Variants in EPS15L1 observed in about 807,000 individuals in gnomAD.
EPS15L1 encodes the protein epidermal growth factor receptor pathway substrate 15 like 1.
Under a neutral mutation model 117.1 loss-of-function variants are expected in EPS15L1, and 43 were observed. The ratio of observed to expected loss-of-function variants is 0.37; its 90% CI spans 0.29 to 0.47. The LOEUF is 0.47. Ranked by LOEUF, EPS15L1 falls within the 20% of genes least tolerant of loss-of-function variation. The pLI is 0.99. For synonymous variants in EPS15L1, 459 were observed against 470.5 expected (o/e 0.98, Z 0.32); for missense variants, 981 against 1,164.0 (o/e 0.84, Z 2.29).
At chr19:16,461,146 A>G (rs1012811207) in intron 1 of EPS15L1, among the ~76,000 whole-genome samples, 9 of 152,002 alleles carry the variant, frequency 5.9e-5, no homozygotes, top group Admixed American at 2.0e-4. Flanking sequence ...TCTACTAAAA[A>G]TACAAAAATT....
At chr19:16,375,348 GTGCA>G (rs2092281412) in intron 22 of EPS15L1, among the ~76,000 whole-genome samples, 4 of 151,998 alleles carry the variant, frequency 2.6e-5, no homozygotes, top group Admixed American at 1.3e-4. Flanking sequence ...GGGTACACAT[GTGCA>G]TGCAAGAGCA....
intron 22 of EPS15L1, among the ~76,000 whole-genome samples, chr19:16,363,399 C>G (rs762937540): frequency 5.3e-5 from 8 of 152,214 alleles, no homozygotes; most frequent in Non-Finnish European, 8.8e-5. Flanking sequence ...CCCCGCCCAC[C>G]ACCTGAGCCT....
chr19:16,410,886 C>T (rs2092700127), intron 13 of EPS15L1, among the ~76,000 whole-genome samples: 1 of 152,200 alleles, frequency 6.6e-6, no homozygotes, highest in South Asian at 2.1e-4. Flanking sequence ...GTACTCCAGC[C>T]TGGGCAATGG....
intron 9 of EPS15L1, among the ~76,000 whole-genome samples, chr19:16,423,973 C>G (rs2092842710): frequency 6.6e-6 from 1 of 152,212 alleles, no homozygotes; most frequent in South Asian, 2.1e-4. Context: ...ATTTCTGGAG[C>G]CTCAGAGTAT....
chr19:16,464,370 C>T (rs949168739), intron 1 of EPS15L1, among the ~76,000 whole-genome samples: 4 of 152,220 alleles, frequency 2.6e-5, no homozygotes, highest in Non-Finnish European at 4.4e-5. Context: ...CCCAGTCCAG[C>T]GCGAAGGACA....
chr19:16,470,748 C>T (rs2093340716), intron 1 of EPS15L1, among the ~76,000 whole-genome samples: 3 of 152,252 alleles, frequency 2.0e-5, no homozygotes, highest in African/African-American at 7.2e-5. Context: ...TATCAACTCT[C>T]TTTGGGTTTG....
At chr19:16,426,075 G>A (rs1214684657) in intron 8 of EPS15L1, among the ~76,000 whole-genome samples, 3 of 152,198 alleles carry the variant, frequency 2.0e-5, no homozygotes, top group Non-Finnish European at 4.4e-5. Flanking sequence ...CCCCACATGA[G>A]ATGAACTGAG....
intron 21 of EPS15L1, chr19:16,384,230 C>T (rs1377062243): frequency 3.3e-5 from 5 of 152,228 alleles, no homozygotes; most frequent in Non-Finnish European, 7.3e-5. Flanking sequence ...ACAGAGTGGA[C>T]GCAGGTGTCA....
Position 16,425,237 on chromosome 19 carries a change from T to C in EPS15L1, c.638A>G (p.Lys213Arg). Residue 213 changes from lysine (K) to arginine (R), a missense_variant, in exon 9 of 24, where the codon AAG (lysine) becomes AGG (arginine). Around this residue, in one of 5 missense-constraint regions of EPS15L1, gnomAD observed 819 missense variants for 949.0 expected, o/e 0.86. Coordinates refer to ENST00000455140, the MANE Select transcript of EPS15L1 (RefSeq NM_001258374.3). ...GCCAGGGAACACAGTCTTCTTTCTC[T>C]TGGAGGGTGGGATGAGGGACGGGGG... ...ALPPSLIPPS[K>R]RKKTVFPGAV... The C allele has an allele frequency of 6.3e-7, 1 of 1,596,350 alleles. No individual in the cohort carries two copies. Among genetic ancestry groups the C allele is most frequent in the East Asian group, 2.2e-5 (1 of 44,704 alleles).
rs956182167 is a variant in EPS15L1 at position 16,383,111 on chromosome 19, G to C, written c.2247+2018C>G. The C allele has an allele frequency of 1.3e-5, 2 of 152,220 alleles. No homozygotes were observed. Among genetic ancestry groups the C allele is most frequent in the Non-Finnish European group, 2.9e-5 (2 of 68,046 alleles). 9.4% of individuals were successfully genotyped at this position (152,220 alleles called of 1,614,324 possible). ...GAGCTCAGAATGCGGCTGTACAAGT[G>C]TCATGAAGGCAGCTGATGGAACGCT... On this transcript the variant is annotated intron_variant, in intron 21 of 23. Transcript: ENST00000455140. The surrounding 1 kb of genome is among the most constrained non-coding windows in gnomAD (Gnocchi z 5.2).
intron 9 of EPS15L1, among the ~76,000 whole-genome samples, chr19:16,421,937 C>T (rs2092817979): frequency 6.6e-6 from 1 of 152,190 alleles, no homozygotes; most frequent in Admixed American, 6.5e-5. Context: ...GTGTCCTGTC[C>T]CAGGACTCTG....
chr19:16,372,543 G>T (rs758113498), intron 22 of EPS15L1, among the ~76,000 whole-genome samples: 1 of 152,166 alleles, frequency 6.6e-6, no homozygotes. Flanking sequence ...TAACGGAAAA[G>T]ATTTCCACTA....
At chr19:16,419,019 A>G (rs543031872) in intron 10 of EPS15L1, among the ~76,000 whole-genome samples, 2 of 152,212 alleles carry the variant, frequency 1.3e-5, no homozygotes, top group Non-Finnish European at 2.9e-5. Context: ...CATGGCCACA[A>G]TGCACAGGAC....
intron 10 of EPS15L1, 133 bp from the exon 11 acceptor site, chr19:16,418,237 C>A: frequency 1.0e-6 from 1 of 954,748 alleles, no homozygotes; most frequent in Non-Finnish European, 1.5e-6. Context: ...AGCCCCAGCT[C>A]CTTCCCTACT....
chr19:16,397,339 CT>C (rs1418677581), intron 16 of EPS15L1, among the ~76,000 whole-genome samples: 3 of 152,184 alleles, frequency 2.0e-5, no homozygotes, highest in Non-Finnish European at 4.4e-5. Flanking sequence ...ATCCACCCCC[CT>C]CGGCCTCCCA....
At chr19:16,384,856 T>C (rs533022558) in intron 21 of EPS15L1, among the ~76,000 whole-genome samples, 2 of 152,148 alleles carry the variant, frequency 1.3e-5, no homozygotes, top group East Asian at 1.9e-4. Flanking sequence ...GCCATGGCAA[T>C]GACTTCACCG....
chr19:16,360,861 T>C (rs2092041196), intron 23 of EPS15L1, among the ~76,000 whole-genome samples: 1 of 152,144 alleles, frequency 6.6e-6, no homozygotes, highest in Non-Finnish European at 1.5e-5. Context: ...CAGGGCTGTG[T>C]TCAAAGAGCC....
intron 9 of EPS15L1, 22 bp from the exon 10 acceptor site, chr19:16,421,498 C>G: frequency 6.3e-7 from 1 of 1,596,374 alleles, no homozygotes; most frequent in Non-Finnish European, 8.6e-7. Flanking sequence ...TTTGGCAAAA[C>G]AGTTAATCTG....
At position 16,417,598 on chromosome 19, in the gene EPS15L1, C is replaced by A; in HGVS notation, c.1147G>T (p.Val383Leu). ...GSLGSGEFTG[V>L]KELDDISQEI... ...TGACTGATGTCATCAAGCTCCTTCA[C>A]GCCAGTAAACTCCCCGGAGCCGAGA... Residue 383 changes from valine (V) to leucine (L), a missense_variant, in exon 12 of 24, where the codon GTG (valine) becomes TTG (leucine). By Grantham distance (32) the Val-to-Leu change is conservative. This residue lies in a region of EPS15L1 where 819 missense variants were observed against 949.0 expected (regional missense o/e 0.86). Transcript: ENST00000455140. 6.2e-7 allele frequency: 1 copy of A among 1,614,186 alleles called. No individual in the cohort carries two copies. The highest frequency in any genetic ancestry group is 8.5e-7 in the Non-Finnish European group (1 of 1,180,028).
Sources: allele counts gnomAD v4.1 joint callset (sites outside exome capture counted in the v4.1 genomes callset), GRCh38; gene constraint gnomAD v4.1.1; regional missense constraint gnomAD v4.1.1; non-coding constraint Gnocchi (gnomAD v3.1); transcripts MANE v1.5; gene names NCBI Gene and HGNC (gene_info 2026-07-23, HGNC 2026-07-21).